Variants in NPIPB2 observed in about 807,000 individuals in gnomAD.
NPIPB2 encodes the protein nuclear pore complex-interacting protein family member B2.
A neutral mutation model predicts 30.8 loss-of-function variants in NPIPB2; 27 were observed. The ratio of observed to expected loss-of-function variants is 0.88; its 90% CI spans 0.65 to 1.21. NPIPB2 has a LOEUF of 1.21. Ranked by LOEUF, NPIPB2 falls within the 50% of genes most tolerant of loss-of-function variation. The pLI is 0.00. For synonymous variants in NPIPB2, 147 were observed against 162.0 expected, an observed-to-expected ratio of 0.91 and a Z score of 0.70; for missense variants, 440 against 446.2, an observed-to-expected ratio of 0.99 and a Z score of 0.13.
intron 1 of NPIPB2, among the ~76,000 whole-genome samples, chr16:11,953,000 T>C (rs1315854174): frequency 6.6e-6 from 1 of 152,190 alleles, no homozygotes; most frequent in African/African-American, 2.4e-5. Flanking sequence ...TCCCTGTGGA[T>C]TCTCAAGGTC....
chr16:11,939,159 C>A (rs2054905475), intron 1 of NPIPB2, among the ~76,000 whole-genome samples: 1 of 151,530 alleles, frequency 6.6e-6, no homozygotes, highest in Admixed American at 6.6e-5. Flanking sequence ...ATACTTCTCT[C>A]TTGGATTATA....
chr16:11,955,181 C>A (rs1255896453), intron 1 of NPIPB2, among the ~76,000 whole-genome samples: 1 of 151,762 alleles, frequency 6.6e-6, no homozygotes, highest in African/African-American at 2.4e-5. Context: ...TGGTGAAACC[C>A]CATCTCTACT....
upstream of NPIPB2, among the ~76,000 whole-genome samples, chr16:11,943,818 G>A (rs1420464412): frequency 2.7e-5 from 4 of 150,854 alleles, no homozygotes; most frequent in Non-Finnish European, 5.9e-5. Context: ...CTAACATGGT[G>A]AAACCCCGTC....
At chr16:11,965,187 A>T in intron 1 of NPIPB2, 5 of 1,096,522 alleles carry the variant, frequency 4.6e-6, no homozygotes, top group Non-Finnish European at 5.3e-6. Context: ...CCCCCGTAAG[A>T]ACCCACGAAG....
At chr16:11,953,854 T>G (rs1233602542) in intron 1 of NPIPB2, among the ~76,000 whole-genome samples, 3 of 151,886 alleles carry the variant, frequency 2.0e-5, no homozygotes, top group African/African-American at 4.8e-5. Context: ...TTTTGTATTT[T>G]TAGTAGAGAC....
intron 1 of NPIPB2, among the ~76,000 whole-genome samples, chr16:11,948,224 G>A (rs2055030812): frequency 6.6e-6 from 1 of 151,854 alleles, no homozygotes; most frequent in Non-Finnish European, 1.5e-5. Flanking sequence ...GGTGAACTGG[G>A]AAGGGTTGGT....
At chr16:11,943,485 C>T (rs1282737737), upstream of NPIPB2, among the ~76,000 whole-genome samples, 4 of 151,944 alleles carry the variant, frequency 2.6e-5, no homozygotes, top group East Asian at 3.9e-4. Flanking sequence ...AGGCGGATCA[C>T]GAGGTTAGGA....
intron 1 of NPIPB2, among the ~76,000 whole-genome samples, chr16:11,971,450 T>TG (rs995572529): frequency 1.6e-4 from 7 of 42,730 alleles, no homozygotes; most frequent in South Asian, 9.2e-4. Context: ...AGTGGGGTGG[T>TG]GGGGGGGTGG....
At chr16:11,932,436 G>A (rs2054802369) in intron 4 of NPIPB2, among the ~76,000 whole-genome samples, 1 of 151,406 alleles carries the variant, frequency 6.6e-6, no homozygotes, top group African/African-American at 2.4e-5. Context: ...GAGGTCAGGA[G>A]TTCAAGACTA....
Position 11,966,354 on chromosome 16 carries a change from G to A in NPIPB2, c.-584+10214C>T, listed in dbSNP as rs1025956321. On this transcript the variant is annotated intron_variant, in intron 1 of 5. Transcript: ENST00000538896. ...TTTAAAAACACAGGTTGGTTTGATGGTGAATCTTTGAAATCTATTTCCAGG... is the reference window on the plus strand; with the variant it reads ...TTTAAAAACACAGGTTGGTTTGATGATGAATCTTTGAAATCTATTTCCAGG... The A allele has an allele frequency of 3.1e-6, 5 of 1,603,058 alleles. No individual in the cohort carries two copies. The Admixed American group carries it at 8.5e-5, about 27-fold the overall frequency.
chr16:11,946,310 G>A (rs561955853), upstream of NPIPB2, among the ~76,000 whole-genome samples: 1 of 150,686 alleles, frequency 6.6e-6, no homozygotes, highest in Non-Finnish European at 1.5e-5. Context: ...GCTTGAACCC[G>A]GGAGGTGGAG....
At chr16:11,947,929 C>T (rs1489633324) in intron 1 of NPIPB2, among the ~76,000 whole-genome samples, 1 of 149,584 alleles carries the variant, frequency 6.7e-6, no homozygotes, top group East Asian at 2.0e-4. Flanking sequence ...ATCAAAAAAT[C>T]AGGGGATTGC....
chr16:11,933,724 T>C lies in NPIPB2; in HGVS notation c.293-12A>G, dbSNP rs577808512. 1.6e-5 allele frequency: 25 copies of C among 1,596,634 alleles called. No homozygotes were observed. The highest frequency in any genetic ancestry group is 2.1e-5 in the Non-Finnish European group (25 of 1,179,178). ...AATGGACCTCAGCCCTTGGTGAGAG[T>C]GAGGAGAGGAGAAGGTGAGAAACCT... On this transcript the variant is annotated splice_polypyrimidine_tract_variant and intron_variant, in intron 3 of 7. Transcript: ENST00000399147.
chr16:11,950,083 T>G (rs1414022507), intron 1 of NPIPB2, among the ~76,000 whole-genome samples: 1 of 152,202 alleles, frequency 6.6e-6, no homozygotes, highest in Non-Finnish European at 1.5e-5. Flanking sequence ...TCACCCAGGC[T>G]GCAGTGCAGT....
intron 1 of NPIPB2, among the ~76,000 whole-genome samples, chr16:11,963,380 C>CAAAAAAAAAAAAAAAA (rs35810741): frequency 1.6e-5 from 1 of 62,614 alleles, no homozygotes. Flanking sequence ...AACTCCAGCT[C>CAAAAAAAAAAAAAAAA]AAAAAAAAAA....
At chr16:11,965,698 G>T (rs1031393406) in intron 1 of NPIPB2, among the ~76,000 whole-genome samples, 2 of 152,082 alleles carry the variant, frequency 1.3e-5, no homozygotes, top group African/African-American at 4.8e-5. Flanking sequence ...CTAATTAAGT[G>T]ATATTTAGAA....
intron 1 of NPIPB2, among the ~76,000 whole-genome samples, chr16:11,949,652 C>T (rs984669549): frequency 6.6e-6 from 1 of 152,182 alleles, no homozygotes; most frequent in African/African-American, 2.4e-5. Context: ...TTAGCCAAGC[C>T]CTGGCCAGTC....
intron 1 of NPIPB2, among the ~76,000 whole-genome samples, chr16:11,975,012 T>C (rs62037670): frequency 0.12 from 17,507 of 149,700 alleles, 1,317 homozygotes; most frequent in South Asian, 0.2. Flanking sequence ...GAGGTGGAGG[T>C]TGCAGTGAGC....
In NPIPB2 at chr16:11,965,347, G is replaced by A. The variant is rs754875749; in HGVS notation, c.-584+11221C>T. The A allele has an allele frequency of 2.2e-5, 35 of 1,614,134 alleles. 1 individual carries two copies. The highest frequency in any genetic ancestry group is 1.1e-4 in the East Asian group (5 of 44,886). ...ATCATGTTGCAGATGGCTGGGCAGT[G>A]CTCCCAAAATGAATATTTTGACAGT... On this transcript the variant is annotated intron_variant, in intron 1 of 5. Coordinates refer to the NPIPB2 transcript ENST00000538896.
Sources: gnomAD v4.1 joint callset for allele counts (sites outside exome capture counted in the v4.1 genomes callset) on GRCh38, gnomAD v4.1.1 for gene constraint, MANE v1.5 for transcripts, NCBI Gene and HGNC (gene_info 2026-07-23, HGNC 2026-07-21) for gene names.